The following ZNF554 variants were observed in gnomAD, a reference collection of about 807,000 sequenced individuals.
ZNF554 encodes the protein zinc finger protein 554.
In ZNF554, 15 loss-of-function variants were observed where a neutral mutation model predicts 21.2. The ratio of observed to expected loss-of-function variants is 0.71; its 90% CI spans 0.47 to 1.09. The LOEUF (loss-of-function observed/expected upper bound fraction) is 1.09. Ranked by LOEUF, ZNF554 falls within the 50% of genes least tolerant of loss-of-function variation. The pLI, the probability that ZNF554 is intolerant of heterozygous loss-of-function variation, is 0.00. For synonymous variants in ZNF554, 258 were observed against 251.4 expected (o/e 1.03, Z -0.25); for missense variants, 691 against 662.7 (o/e 1.04, Z -0.47).
rs1192200072 is a variant in ZNF554, at chr19:2,835,766, C to T, written c.*914C>T. 2 of 152,194 alleles carry T rather than the reference C, an allele frequency of 1.3e-5. No individual in the cohort carries two copies. The highest frequency in any genetic ancestry group is 4.8e-5 in the African/African-American group (2 of 41,448). The allele number at this position is 152,194 out of a possible 1,614,324, so 9.4% of individuals were successfully genotyped here. ...TGCTTAAACAAAAGGTGTTCTGTTT[C>T]TTAACTACTTCTGTGTCTTTACTTT... On this transcript the variant is annotated 3_prime_UTR_variant, in exon 5 of 5. Transcript: ENST00000317243.
intron 1 of ZNF554, 37 bp from the exon 2 acceptor site, chr19:2,823,003 G>C (rs1475387177): frequency 3.6e-5 from 57 of 1,604,352 alleles, no homozygotes; most frequent in Non-Finnish European, 4.8e-5. Flanking sequence ...GGACTGGCCT[G>C]GATCTGGTAT....
intron 2 of ZNF554, among the ~76,000 whole-genome samples, chr19:2,826,968 T>G (rs1326425829): frequency 6.6e-6 from 1 of 152,196 alleles, no homozygotes; most frequent in Non-Finnish European, 1.5e-5. Context: ...GGCTGCAGAT[T>G]CCTCTTCTTA....
In ZNF554 at chr19:2,821,524, C is replaced by T. The variant is rs894622430; in HGVS notation, c.53+1400C>T. ...TGGGGCCGTGGTGCTTCTGAAGGCT[C>T]TGGCGGGAGGATCTTCTCTGTCTCT... On this transcript the variant is annotated intron_variant, in intron 1 of 4. Coordinates refer to ENST00000317243, the MANE Select transcript of ZNF554 (RefSeq NM_001102651.2). This position sits in a 1 kb window ranked among gnomAD's most constrained non-coding sequence, Gnocchi z 8.2. 6.6e-6 allele frequency among the ~76,000 whole-genome samples: 1 copy of T among 151,924 alleles called. No homozygotes were observed. Among genetic ancestry groups the T allele is most frequent in the South Asian group, 2.1e-4 (1 of 4,836 alleles).
Position 2,821,736 on chromosome 19 carries a change from G to C in ZNF554, c.54-1304G>C, listed in dbSNP as rs546395009. The stretch of plus-strand genomic sequence containing the variant: ...GGCTGGAGTGCAGTGGCACGATCTC[G>C]GCTCACTGCAATCTCTACCCCACAG... On this transcript the variant is annotated intron_variant, in intron 1 of 4. Transcript: ENST00000317243. The surrounding 1 kb of genome is among the most constrained non-coding windows in gnomAD (Gnocchi z 8.2). 2.9e-3 allele frequency among the ~76,000 whole-genome samples: 440 copies of C among 152,058 alleles called. 4 individuals are homozygous for C. Among genetic ancestry groups the C allele is most frequent in the Non-Finnish European group, 4.0e-3 (270 of 68,000 alleles).
intron 4 of ZNF554, among the ~76,000 whole-genome samples, 174 bp downstream of exon 4, chr19:2,832,668 CCT>C (rs947307357): frequency 5.3e-4 from 80 of 152,294 alleles, no homozygotes; most frequent in Non-Finnish European, 1.0e-3. Context: ...CCTTACATGA[CCT>C]CTCTCTGGAT....
At position 2,834,906 on chromosome 19, in the gene ZNF554, G is replaced by T. The variant is rs1402990030; in HGVS notation, c.*54G>T. ...TTTAGTACTCTGACACATACATGTG[G>T]TTATCTTTTGCCCTGTTGTGATGGA... On this transcript the variant is annotated 3_prime_UTR_variant, in exon 5 of 5. Coordinates refer to ENST00000317243, the MANE Select transcript of ZNF554 (RefSeq NM_001102651.2). The T allele has an allele frequency of 2.0e-6, 3 of 1,463,924 alleles. No homozygotes were observed. The highest frequency in any genetic ancestry group is 2.8e-6 in the Non-Finnish European group (3 of 1,086,510). The allele number at this position is 1,463,924 out of a possible 1,614,324, so 90.7% of individuals were successfully genotyped here.
chr19:2,833,896 G>A lies in ZNF554; in HGVS notation c.661G>A (p.Gly221Arg). 2 of 1,613,908 alleles carry A rather than the reference G, an allele frequency of 1.2e-6. No individual in the cohort carries two copies. Among genetic ancestry groups the A allele is most frequent in the Non-Finnish European group, 1.7e-6 (2 of 1,179,896 alleles). The change falls in exon 5 of 5, where the codon GGA (glycine) becomes AGA (arginine). Residue 221 changes from glycine to arginine, a missense_variant. Gly to Arg is a moderately radical substitution (Grantham distance 125, BLOSUM62 -2). Transcript: ENST00000317243. Reference sequence around the variant, plus strand: ...TCAGGAGAAGGCTACTGCATGGCATGGATTTGGGGAAAATGGTAATCTGAG... The same window carrying A: ...TCAGGAGAAGGCTACTGCATGGCATAGATTTGGGGAAAATGGTAATCTGAG... The part of the protein sequence containing the change: ...VPQEKATAWH[G>R]FGENGNLSPA...
intron 3 of ZNF554, among the ~76,000 whole-genome samples, chr19:2,830,103 T>G (rs1041445770): frequency 6.6e-6 from 1 of 152,110 alleles, no homozygotes; most frequent in Non-Finnish European, 1.5e-5. Flanking sequence ...TTTTTAATAA[T>G]TTTTTGTATT....
At chr19:2,829,496 G>T (rs892094330) in intron 3 of ZNF554, among the ~76,000 whole-genome samples, 2 of 151,906 alleles carry the variant, frequency 1.3e-5, no homozygotes, top group African/African-American at 4.8e-5. Flanking sequence ...AATTAGCCAG[G>T]CGTGGTGGCG....
At position 2,836,378 on chromosome 19, in the gene ZNF554, G is replaced by T. The variant is rs2087497273; in HGVS notation, c.*1526G>T. Among the ~76,000 whole-genome samples the T allele has an allele frequency of 6.6e-6, 1 of 152,216 alleles. No homozygotes were observed. The highest frequency in any genetic ancestry group is 1.5e-5 in the Non-Finnish European group (1 of 68,044). Reference sequence around the variant, plus strand: ...TTACAGGTGTGAACCACTGCTCCTGGCCTTTATTTCAGCATTCTGTTTCAG... The same window carrying T: ...TTACAGGTGTGAACCACTGCTCCTGTCCTTTATTTCAGCATTCTGTTTCAG... On this transcript the variant is annotated 3_prime_UTR_variant, in exon 5 of 5. Transcript: ENST00000317243.
chr19:2,827,037 C>G (rs1378178138), intron 2 of ZNF554, among the ~76,000 whole-genome samples: 1 of 152,178 alleles, frequency 6.6e-6, no homozygotes, highest in Non-Finnish European at 1.5e-5. Flanking sequence ...GAACTAATCT[C>G]TAATAACTGT....
Position 2,834,900 on chromosome 19 carries a change from C to G in ZNF554, c.*48C>G, listed in dbSNP as rs1460930596. On this transcript the variant is annotated 3_prime_UTR_variant, in exon 5 of 5. Transcript: ENST00000317243. ...CCACTTTTTAGTACTCTGACACATACATGTGGTTATCTTTTGCCCTGTTGT... is the reference window on the plus strand; with the variant it reads ...CCACTTTTTAGTACTCTGACACATAGATGTGGTTATCTTTTGCCCTGTTGT... The G allele has an allele frequency of 2.7e-6, 4 of 1,481,090 alleles. No homozygotes were observed. The highest frequency in any genetic ancestry group is 4.3e-5 in the Admixed American group (2 of 46,828). 91.7% of individuals were successfully genotyped at this position (1,481,090 alleles called of 1,614,324 possible). A position where few individuals can be genotyped will look rare whatever the true frequency, so the allele number is the denominator to read the frequency against.
rs751420549 is a variant in ZNF554 at position 2,834,311 on chromosome 19, G to A, written c.1076G>A (p.Arg359Gln). 7 of 1,613,662 alleles carry A rather than the reference G, an allele frequency of 4.3e-6. No individual in the cohort carries two copies. In the South Asian group the frequency reaches 5.5e-5, roughly 13 times the overall value. ...EKPYECQECG[R>Q]AFTHSSTLTR... ...CCCTACGAGTGTCAGGAGTGTGGGC[G>A]AGCCTTTACGCACAGCTCCACCCTC... Residue 359 changes from arginine (R) to glutamine (Q), a missense_variant, in exon 5 of 5, where the codon CGA (arginine) becomes CAA (glutamine). Physicochemically the swap from Arg to Gln is conservative, Grantham distance 43. Coordinates refer to ENST00000317243, the MANE Select transcript of ZNF554 (RefSeq NM_001102651.2).
chr19:2,820,133 C>A lies in ZNF554; in HGVS notation c.53+9C>A. ...CTCCCGGCAGCTCAGCCGTAAGTGC[C>A]GCCGCCTCCCGCGCCGCGACCTCCG... On this transcript the variant is annotated intron_variant, in intron 1 of 4. Coordinates refer to ENST00000317243, the MANE Select transcript of ZNF554 (RefSeq NM_001102651.2). The A allele has an allele frequency of 8.2e-7, 1 of 1,218,914 alleles. No homozygotes were observed. Among genetic ancestry groups the A allele is most frequent in the South Asian group, 4.0e-5 (1 of 24,926 alleles). 75.5% of individuals were successfully genotyped at this position (1,218,914 alleles called of 1,614,324 possible). A position where few individuals can be genotyped will look rare whatever the true frequency, so the allele number is the denominator to read the frequency against.
rs2087468635 is a variant in ZNF554 at position 2,834,396 on chromosome 19, A to G, written c.1161A>G (p.Lys387=). Residue 387 remains lysine, a synonymous_variant, in exon 5 of 5, where the codon AAA becomes AAG. Coordinates refer to ENST00000317243, the MANE Select transcript of ZNF554 (RefSeq NM_001102651.2). ...EKPYGCGECG[K]AFNRISSLTQ... ...CCTACGGGTGCGGTGAGTGCGGGAA[A>G]GCCTTCAACAGGATCTCATCGCTGA... 1.2e-6 allele frequency: 2 copies of G among 1,613,750 alleles called. No individual in the cohort carries two copies. The highest frequency in any genetic ancestry group is 1.7e-6 in the Non-Finnish European group (2 of 1,179,974).
At chr19:2,820,346 T>G (rs2144797965) in intron 1 of ZNF554, among the ~76,000 whole-genome samples, 1 of 152,324 alleles carries the variant, frequency 6.6e-6, no homozygotes, top group South Asian at 2.1e-4. Context: ...ACGCATAAGC[T>G]TTCCGAGGCC....
chr19:2,832,110 G>A, intron 3 of ZNF554, 193 bp from the exon 4 acceptor site: 1 of 423,726 alleles, frequency 2.4e-6, no homozygotes, highest in South Asian at 3.9e-5. Flanking sequence ...ATTTTTAGTA[G>A]AGATGGGGTT....
At position 2,835,604 on chromosome 19, in the gene ZNF554, A is replaced by T. The variant is rs2087489167; in HGVS notation, c.*752A>T. On this transcript the variant is annotated 3_prime_UTR_variant, in exon 5 of 5. Transcript: ENST00000317243. The stretch of plus-strand genomic sequence containing the variant: ...ATTAGAAGCATGAGCCGCTGTGCCC[A>T]GCCTGACGGGGCCTTTTAGTGGGAG... The T allele has an allele frequency of 6.6e-6, 1 of 152,074 alleles. No homozygotes were observed. Among genetic ancestry groups the T allele is most frequent in the South Asian group, 2.1e-4 (1 of 4,822 alleles). 9.4% of individuals were successfully genotyped at this position (152,074 alleles called of 1,614,324 possible). A position where few individuals can be genotyped will look rare whatever the true frequency, so the allele number is the denominator to read the frequency against.
In ZNF554 at chr19:2,829,040, TA is replaced by T. The variant is rs559408920; in HGVS notation, c.253+1308del. On this transcript the variant is annotated intron_variant, in intron 3 of 4. Transcript: ENST00000317243. ...TTCTGCCAAGGTAAAGAGCCATCAT[TA>T]AAAAAAAAAATGTTTTTACTGTGAT... is the stretch of plus-strand genomic sequence containing the variant. 3.6e-3 allele frequency among the ~76,000 whole-genome samples: 529 copies of T among 146,804 alleles called. 4 individuals are homozygous for T. Among genetic ancestry groups the T allele is most frequent in the African/African-American group, 0.012 (493 of 40,298 alleles).
Sources: allele counts gnomAD v4.1 joint callset (sites outside exome capture counted in the v4.1 genomes callset), GRCh38; gene constraint gnomAD v4.1.1; non-coding constraint Gnocchi (gnomAD v3.1); transcripts MANE v1.5; gene names NCBI Gene and HGNC (gene_info 2026-07-23, HGNC 2026-07-21).